The following SURF4 variants were observed in gnomAD, a reference collection of about 807,000 sequenced individuals.
The protein encoded by SURF4 is surfeit locus protein 4.
A neutral mutation model predicts 30.0 loss-of-function variants in SURF4; 3 were observed. The observed-to-expected ratio is 0.10, with a 90% CI of 0.05 to 0.26. The LOEUF (loss-of-function observed/expected upper bound fraction) is 0.26, where lower values mean the gene tolerates loss of function less well. SURF4 is among the 10% of genes least tolerant of loss of function. SURF4 has a pLI of 1.00. For missense variants in SURF4, 217 were observed against 350.8 expected, an observed-to-expected ratio of 0.62 and a Z score of 3.05; for synonymous variants, 143 against 139.9, an observed-to-expected ratio of 1.02 and a Z score of -0.16.
intron 1 of SURF4, among the ~76,000 whole-genome samples, chr9:133,373,010 G>A (rs1397654143): frequency 6.6e-6 from 1 of 152,206 alleles, no homozygotes; most frequent in African/African-American, 2.4e-5. Flanking sequence ...GGCAGCCTGC[G>A]CTGCCTTACA....
At chr9:133,371,325 C>G (rs1837493528) in intron 1 of SURF4, among the ~76,000 whole-genome samples, 1 of 152,224 alleles carries the variant, frequency 6.6e-6, no homozygotes, top group African/African-American at 2.4e-5. Context: ...CTCACATCAG[C>G]CTGTCAGAGC....
upstream of SURF4, chr9:133,376,088 G>C: frequency 4.2e-6 from 5 of 1,204,320 alleles, no homozygotes; most frequent in Non-Finnish European, 3.1e-6. Context: ...GCTCCGCGTC[G>C]GCTGCGGCTC....
chr9:133,375,478 C>T (rs1040703128), intron 1 of SURF4: 4 of 938,138 alleles, frequency 4.3e-6, no homozygotes, highest in Non-Finnish European at 3.8e-6. Context: ...GACCCCCGGC[C>T]CCCGTTCGTC....
chr9:133,366,495 G>A, intron 3 of SURF4, 104 bp downstream of exon 3: 1 of 1,275,352 alleles, frequency 7.8e-7, no homozygotes, highest in Non-Finnish European at 1.1e-6. Context: ...GAGACATGCA[G>A]GGGGCTGAAG....
At chr9:133,376,299 C>T, upstream of SURF4, 1 of 1,337,354 alleles carries the variant, frequency 7.5e-7, no homozygotes, top group Non-Finnish European at 9.5e-7. Context: ...CCCGGCCCGG[C>T]GGAACGCGTC....
intron 1 of SURF4, among the ~76,000 whole-genome samples, chr9:133,369,935 A>AGGGTGT (rs1837400081): frequency 1.3e-5 from 2 of 152,336 alleles, no homozygotes; most frequent in Middle Eastern, 6.8e-3. Flanking sequence ...CTCCCAGGGC[A>AGGGTGT]GGGTGTGGGT....
At chr9:133,375,566 G>A (rs1837848486) in intron 1 of SURF4, among the ~76,000 whole-genome samples, 1 of 152,206 alleles carries the variant, frequency 6.6e-6, no homozygotes, top group Non-Finnish European at 1.5e-5. Context: ...TCCAAACGCC[G>A]AGGCGCTCCC....
upstream of SURF4, chr9:133,376,102 C>G (rs1837917896): frequency 8.3e-7 from 1 of 1,203,146 alleles, no homozygotes; most frequent in Non-Finnish European, 1.0e-6. Context: ...GCGGCTCCAG[C>G]GGCTGCCACG....
intron 1 of SURF4, chr9:133,375,531 A>C: frequency 3.3e-6 from 2 of 598,082 alleles, no homozygotes; most frequent in Non-Finnish European, 2.1e-6. Flanking sequence ...GTGAGAGGAA[A>C]AACGTGCGGG....
Position 133,366,111 on chromosome 9 carries a change from T to C in SURF4, c.313-83A>G, listed in dbSNP as rs1003067460. ...AGACTTCATAATACATTAGGCCGTCTCTCCAATGTCAGCTGGAGTCTAAAA... is the reference window on the plus strand; with the variant it reads ...AGACTTCATAATACATTAGGCCGTCCCTCCAATGTCAGCTGGAGTCTAAAA... On this transcript the variant is annotated intron_variant, in intron 3 of 5. Coordinates refer to ENST00000371989, the MANE Select transcript of SURF4 (RefSeq NM_033161.4). The C allele has an allele frequency of 2.2e-6, 3 of 1,371,694 alleles. No individual in the cohort carries two copies. The African/African-American group carries it at 4.3e-5, about 20-fold the overall frequency. 85.0% of individuals were successfully genotyped at this position (1,371,694 alleles called of 1,614,324 possible).
chr9:133,372,580 GCTTA>G, intron 1 of SURF4: 1 of 985,244 alleles, frequency 1.0e-6, no homozygotes, highest in Admixed American at 6.1e-5. Flanking sequence ...GGGAAACTAA[GCTTA>G]CTTAGGTCTT....
chr9:133,375,859 T>C, intron 1 of SURF4, 63 bp downstream of exon 1: 4 of 1,209,932 alleles, frequency 3.3e-6, no homozygotes, highest in Non-Finnish European at 4.1e-6. Flanking sequence ...GGAGGCCGAC[T>C]CCGGAGCGGC....
upstream of SURF4, chr9:133,376,199 C>A (rs1484535573): frequency 2.4e-6 from 3 of 1,272,984 alleles, no homozygotes; most frequent in Non-Finnish European, 3.0e-6. Context: ...AGCCTCCCGA[C>A]CCATCCGCTC....
At chr9:133,376,271 G>A, upstream of SURF4, 3 of 1,304,226 alleles carry the variant, frequency 2.3e-6, no homozygotes, top group South Asian at 2.3e-5. Flanking sequence ...CCCGCCGCGC[G>A]CAGGCCCTGC....
chr9:133,363,292 G>C lies in SURF4; in HGVS notation c.*201C>G. 1.1e-6 allele frequency: 1 copy of C among 937,046 alleles called. No homozygotes were observed. The highest frequency in any genetic ancestry group is 1.7e-6 in the Non-Finnish European group (1 of 591,032). 58.0% of individuals were successfully genotyped at this position (937,046 alleles called of 1,614,324 possible). A position where few individuals can be genotyped will look rare whatever the true frequency, so the allele number is the denominator to read the frequency against. On this transcript the variant is annotated 3_prime_UTR_variant, in exon 6 of 6. Coordinates refer to ENST00000371989, the MANE Select transcript of SURF4 (RefSeq NM_033161.4). This position sits in a 1 kb window ranked among gnomAD's most constrained non-coding sequence, Gnocchi z 4.3. ...CAGGCTGGCCTGCACTGAAGGGTCA[G>C]ACGCCAGACTGTGGCTCCAGAGCAG... is the stretch of plus-strand genomic sequence containing the variant.
In SURF4 at chr9:133,363,333, C is replaced by G; in HGVS notation, c.*160G>C. The G allele has an allele frequency of 8.4e-7, 1 of 1,196,684 alleles. No homozygotes were observed. Among genetic ancestry groups the G allele is most frequent in the Non-Finnish European group, 1.2e-6 (1 of 823,602 alleles). 74.1% of individuals were successfully genotyped at this position (1,196,684 alleles called of 1,614,324 possible). On this transcript the variant is annotated 3_prime_UTR_variant, in exon 6 of 6. Coordinates refer to ENST00000371989, the MANE Select transcript of SURF4 (RefSeq NM_033161.4). The surrounding 1 kb of genome is among the most constrained non-coding windows in gnomAD (Gnocchi z 4.3). The stretch of plus-strand genomic sequence containing the variant: ...TCCAGAGCAGACTGAGCCATCGATT[C>G]TCAGGTGTCTCTGCAAATAAAGTTC...
At chr9:133,367,652 A>G in intron 1 of SURF4, 3 of 1,373,092 alleles carry the variant, frequency 2.2e-6, no homozygotes, top group Non-Finnish European at 2.9e-6. Context: ...CACATGCAAC[A>G]ATCCAAGGAT....
intron 1 of SURF4, among the ~76,000 whole-genome samples, chr9:133,370,564 C>T (rs1837445774): frequency 6.6e-6 from 1 of 152,206 alleles, no homozygotes; most frequent in South Asian, 2.1e-4. Flanking sequence ...TTGGTCACAA[C>T]TACTTCAACT....
upstream of SURF4, chr9:133,376,150 C>G (rs1837926178): frequency 8.3e-7 from 1 of 1,209,860 alleles, no homozygotes. Context: ...CCGCCCGGGC[C>G]CGCCCCGGTG....
Sources: allele counts gnomAD v4.1 joint callset (sites outside exome capture counted in the v4.1 genomes callset), GRCh38; gene constraint gnomAD v4.1.1; non-coding constraint Gnocchi (gnomAD v3.1); transcripts MANE v1.5; gene names NCBI Gene and HGNC (gene_info 2026-07-23, HGNC 2026-07-21).